ALDH1A2: variants seen among roughly 807,000 people sequenced by gnomAD.
ALDH1A2 encodes the protein aldehyde dehydrogenase 1 family member A2.
ALDH1A2 carries 27 observed loss-of-function variants against 60.3 expected under a neutral mutation model. The ratio of observed to expected loss-of-function variants is 0.45; its 90% CI spans 0.33 to 0.62. ALDH1A2 has a LOEUF of 0.62. Ranked by LOEUF, ALDH1A2 falls within the 20% of genes least tolerant of loss-of-function variation. The probability of loss-of-function intolerance (pLI) is 0.02; values close to 1 mark genes in which losing one functional copy is unlikely to be tolerated. For synonymous variants in ALDH1A2, 289 were observed against 232.4 expected (o/e 1.24, Z -2.21); for missense variants, 581 against 643.8 (o/e 0.90, Z 1.06).
At chr15:58,025,317 A>G (rs543102078) in intron 1 of ALDH1A2, among the ~76,000 whole-genome samples, 1 of 152,190 alleles carries the variant, frequency 6.6e-6, no homozygotes, top group Non-Finnish European at 1.5e-5. Context: ...AGAAGAATCA[A>G]ACAAAATCAG....
At chr15:58,033,848 G>A (rs1028044073) in intron 1 of ALDH1A2, among the ~76,000 whole-genome samples, 1 of 105,244 alleles carries the variant, frequency 9.5e-6, no homozygotes, top group Non-Finnish European at 2.2e-5. Context: ...TTATTTTTCT[G>A]TATTTTTTTT....
chr15:57,996,361 C>T (rs948354398), intron 4 of ALDH1A2, among the ~76,000 whole-genome samples: 1 of 151,764 alleles, frequency 6.6e-6, no homozygotes, highest in Non-Finnish European at 1.5e-5. Context: ...GATCTCTGAT[C>T]TCTACCCCCT....
At chr15:57,973,264 A>G (rs999816845) in intron 7 of ALDH1A2, among the ~76,000 whole-genome samples, 17 of 152,250 alleles carry the variant, frequency 1.1e-4, no homozygotes, top group African/African-American at 4.1e-4. Flanking sequence ...TTAAATATTT[A>G]CATGCACTGC....
At chr15:57,999,536 C>T (rs1895187249) in intron 4 of ALDH1A2, among the ~76,000 whole-genome samples, 1 of 151,894 alleles carries the variant, frequency 6.6e-6, no homozygotes, top group Non-Finnish European at 1.5e-5. Flanking sequence ...AGTCAAGAAA[C>T]AACAGATGCT....
At chr15:57,979,539 C>A (rs1386593807) in intron 7 of ALDH1A2, among the ~76,000 whole-genome samples, 2 of 152,222 alleles carry the variant, frequency 1.3e-5, no homozygotes, top group Admixed American at 6.5e-5. Flanking sequence ...GTGGCTCATT[C>A]CTGCGAAGGA....
At chr15:57,999,143 A>C (rs1895170626) in intron 4 of ALDH1A2, among the ~76,000 whole-genome samples, 1 of 152,194 alleles carries the variant, frequency 6.6e-6, no homozygotes, top group Admixed American at 6.5e-5. Flanking sequence ...GGGCATAGGC[A>C]AGATTGCATG....
At chr15:58,029,632 T>A (rs1896177776) in intron 1 of ALDH1A2, among the ~76,000 whole-genome samples, 2 of 144,696 alleles carry the variant, frequency 1.4e-5, no homozygotes, top group Non-Finnish European at 3.0e-5. Flanking sequence ...TTTGAAAAGA[T>A]CAACAAAACA....
chr15:58,030,843 C>T (rs765191324), intron 1 of ALDH1A2, among the ~76,000 whole-genome samples: 4 of 152,062 alleles, frequency 2.6e-5, no homozygotes, highest in Non-Finnish European at 5.9e-5. Context: ...AGGACCTCTT[C>T]AAGGAGAACT....
intron 7 of ALDH1A2, chr15:57,980,328 T>G: frequency 2.3e-6 from 1 of 432,548 alleles, no homozygotes; most frequent in East Asian, 6.3e-5. Flanking sequence ...TTGTTGGCCT[T>G]GAACAGGTCC....
At chr15:58,029,946 CAG>C (rs1896187580) in intron 1 of ALDH1A2, among the ~76,000 whole-genome samples, 1 of 152,158 alleles carries the variant, frequency 6.6e-6, no homozygotes, top group African/African-American at 2.4e-5. Context: ...GCAATTCTAA[CAG>C]AGGTACAAAC....
chr15:57,964,334 C>CT, intron 8 of ALDH1A2: 1 of 460,484 alleles, frequency 2.2e-6, no homozygotes, highest in Non-Finnish European at 4.0e-6. Context: ...TCTCAAACCC[C>CT]TATATACCAC....
intron 1 of ALDH1A2, chr15:58,014,635 C>T (rs1895738285): frequency 2.3e-6 from 1 of 430,914 alleles, no homozygotes; most frequent in Non-Finnish European, 4.6e-6. Flanking sequence ...GGTTAAATAG[C>T]AGATCAAACT....
At position 57,992,712 on chromosome 15, in the gene ALDH1A2, G is replaced by A. The variant is rs1049763165; in HGVS notation, c.791C>T (p.Ser264Phe). ...GGTTTTTCAGATACCTACCTCAGTA[G>A]ACCCTGTGAATGCAATCTTGTCTAT... is the stretch of plus-strand genomic sequence containing the variant. ...IGIDKIAFTGSTEVGKLIQEA... is the reference protein window; with the variant it reads ...IGIDKIAFTGFTEVGKLIQEA... Residue 264 changes from serine (S) to phenylalanine (F), a missense_variant, in exon 7 of 13, where the codon TCT becomes TTT. Around this residue, in one of 2 missense-constraint regions of ALDH1A2, gnomAD observed 375 missense variants for 469.7 expected, o/e 0.80. Transcript: ENST00000249750. 1 of 1,613,932 alleles carries A rather than the reference G, an allele frequency of 6.2e-7. No homozygotes were observed. The highest frequency in any genetic ancestry group is 8.5e-7 in the Non-Finnish European group (1 of 1,179,846).
rs1402284251 is a variant in ALDH1A2 at position 57,995,240 on chromosome 15, A to AC, written c.494-102dup. 11 of 826,778 alleles carry AC rather than the reference A, an allele frequency of 1.3e-5. No homozygotes were observed. The African/African-American group carries it at 1.4e-4, about 10-fold the overall frequency. The allele number at this position is 826,778 out of a possible 1,614,324, so 51.2% of individuals were successfully genotyped here. On this transcript the variant is annotated intron_variant, in intron 4 of 12. Coordinates refer to ENST00000249750, the MANE Select transcript of ALDH1A2 (RefSeq NM_003888.4). The stretch of plus-strand genomic sequence containing the variant: ...TGCAAAAAAAAAAAAAAAAAAACAA[A>AC]CAGAAATAAACTTGAAAAAACATCC...
intron 1 of ALDH1A2, chr15:58,058,184 C>T: frequency 1.1e-6 from 1 of 925,772 alleles, no homozygotes; most frequent in Non-Finnish European, 1.7e-6. Flanking sequence ...CCAGGCAAAG[C>T]CTTCCCCTCC....
At chr15:58,056,314 T>A (rs1896895565) in intron 1 of ALDH1A2, among the ~76,000 whole-genome samples, 1 of 152,132 alleles carries the variant, frequency 6.6e-6, no homozygotes, top group Non-Finnish European at 1.5e-5. Context: ...CTAGACTTCC[T>A]AATCTGATTC....
At chr15:57,971,538 A>G (rs1367827661) in intron 7 of ALDH1A2, among the ~76,000 whole-genome samples, 1 of 152,016 alleles carries the variant, frequency 6.6e-6, no homozygotes, top group Non-Finnish European at 1.5e-5. Flanking sequence ...CAATCCTCCC[A>G]ACTCAGCCTG....
intron 11 of ALDH1A2, 59 bp from the exon 12 acceptor site, chr15:57,960,903 T>C: frequency 1.3e-6 from 2 of 1,495,710 alleles, no homozygotes; most frequent in Admixed American, 1.8e-5. Flanking sequence ...ATAATCTGAC[T>C]GGCATGGTAT....
chr15:58,063,170 T>G (rs149513889), intron 1 of ALDH1A2, among the ~76,000 whole-genome samples: 15 of 152,334 alleles, frequency 9.8e-5, no homozygotes, highest in Admixed American at 3.3e-4. Flanking sequence ...GGTCCCAATA[T>G]CACACTGAAA....
Sources: allele counts gnomAD v4.1 joint callset (sites outside exome capture counted in the v4.1 genomes callset), GRCh38; gene constraint gnomAD v4.1.1; regional missense constraint gnomAD v4.1.1; transcripts MANE v1.5; gene names NCBI Gene and HGNC (gene_info 2026-07-23, HGNC 2026-07-21).